HOOK2: variants seen among roughly 807,000 people sequenced by gnomAD.
HOOK2 encodes protein Hook homolog 2.
HOOK2 carries 108 observed loss-of-function variants against 111.9 expected under a neutral mutation model. The observed-to-expected ratio is 0.96, with a 90% confidence interval of 0.83 to 1.13. HOOK2 has a LOEUF of 1.13. HOOK2 is among the 50% of genes most tolerant of loss of function. The pLI, the probability that HOOK2 is intolerant of heterozygous loss-of-function variation, is 0.00. For missense variants in HOOK2, 978 were observed against 951.3 expected, an observed-to-expected ratio of 1.03 and a Z score of -0.37; for synonymous variants, 405 against 394.3, an observed-to-expected ratio of 1.03 and a Z score of -0.32.
At chr19:12,784,370 A>G (rs1031382365) in intron 3 of HOOK2, among the ~76,000 whole-genome samples, 2 of 152,294 alleles carry the variant, frequency 1.3e-5, no homozygotes, top group African/African-American at 4.8e-5. Context: ...TGATCCAGCA[A>G]TGACTGTCAC....
rs773884238 is a variant in HOOK2, at chr19:12,764,863, A to G, written c.1778T>C (p.Leu593Ser). ...GCGGTATCGCTCCTCCATGGCCCGCAAGTCCGCGTCCTTCTTCTGCAAGTT... is the reference window on the plus strand; with the variant it reads ...GCGGTATCGCTCCTCCATGGCCCGCGAGTCCGCGTCCTTCTTCTGCAAGTT... ...QHNLQKKDADLRAMEERYRRY... is the reference protein window; with the variant it reads ...QHNLQKKDADSRAMEERYRRY... Residue 593 changes from leucine to serine, a missense_variant, in exon 20 of 23, where the codon TTG becomes TCG. Coordinates refer to ENST00000397668, the MANE Select transcript of HOOK2 (RefSeq NM_013312.3). 1 of 1,614,076 alleles carries G rather than the reference A, an allele frequency of 6.2e-7. No homozygotes were observed. The highest frequency in any genetic ancestry group is 8.5e-7 in the Non-Finnish European group (1 of 1,180,026).
chr19:12,768,963 A>G (rs1435139910), intron 11 of HOOK2, among the ~76,000 whole-genome samples: 1 of 122,322 alleles, frequency 8.2e-6, no homozygotes, highest in Non-Finnish European at 1.7e-5. Flanking sequence ...AGCCCGGCTA[A>G]TTTTTTTTTT....
At chr19:12,767,711 C>T in intron 13 of HOOK2, 105 bp downstream of exon 13, 1 of 1,091,096 alleles carries the variant, frequency 9.2e-7, no homozygotes. Flanking sequence ...CACCTCCAGC[C>T]TGGCCTAGCT....
chr19:12,765,588 A>C (rs1423801993), intron 18 of HOOK2, 102 bp downstream of exon 18: 1 of 1,468,054 alleles, frequency 6.8e-7, no homozygotes, highest in African/African-American at 1.4e-5. Flanking sequence ...TCTCTACTAA[A>C]AATATAAAAA....
chr19:12,766,375 G>T, intron 14 of HOOK2, 135 bp from the exon 15 acceptor site: 1 of 1,122,884 alleles, frequency 8.9e-7, no homozygotes, highest in Non-Finnish European at 1.2e-6. Flanking sequence ...TTGGAGCACC[G>T]AGGACCTACT....
At chr19:12,789,053 C>T (rs139029640) in intron 3 of HOOK2, among the ~76,000 whole-genome samples, 117 of 152,298 alleles carry the variant, frequency 7.7e-4, no homozygotes, top group African/African-American at 2.4e-3. Context: ...TTCTCTTTCC[C>T]ACACTTGGTG....
Position 12,772,834 on chromosome 19 carries a change from C to G in HOOK2, c.334G>C (p.Gly112Arg), listed in dbSNP as rs780702174. Residue 112 changes from glycine (G) to arginine (R), a missense_variant, in exon 5 of 23, where the codon GGC (glycine) becomes CGC (arginine). This residue lies in a region of HOOK2 where 301 missense variants were observed against 286.1 expected (regional missense o/e 1.05). Transcript: ENST00000397668. ...CCCAGCACCAGCTGAAGCAGCTTGC[C>G]GAGCTCTGCCGGGTCTGAGAACTCT... ...IGEFSDPAELGKLLQLVLGCA... is the reference protein window; with the variant it reads ...IGEFSDPAELRKLLQLVLGCA... 1 of 1,614,198 alleles carries G rather than the reference C, an allele frequency of 6.2e-7. No homozygotes were observed. The highest frequency in any genetic ancestry group is 2.2e-5 in the East Asian group (1 of 44,886).
In HOOK2 at chr19:12,772,927, G is replaced by A; in HGVS notation, c.256-15C>T. 1.2e-6 allele frequency: 2 copies of A among 1,614,224 alleles called. No homozygotes were observed. Among genetic ancestry groups the A allele is most frequent in the Non-Finnish European group, 1.7e-6 (2 of 1,180,026 alleles). On this transcript the variant is annotated splice_polypyrimidine_tract_variant and intron_variant, in intron 4 of 22. Transcript: ENST00000397668. ...TGCGCCAGGACCTGGGGAGAAGGGG[G>A]TGTCAGGGGCTCATGGGCCCACCCT...
In HOOK2 at chr19:12,790,297, A is replaced by C. The variant is rs536151163; in HGVS notation, n.42-16072T>G. ...GTCCCGTAGGATCCGAGTGACGGAG[A>C]CAGGGCCGGGCTCCTTCCCCCGGGG... On this transcript the variant is annotated intron_variant and non_coding_transcript_variant, in intron 3 of 3. Coordinates refer to the HOOK2 transcript ENST00000589765. This position sits in a 1 kb window ranked among gnomAD's most constrained non-coding sequence, Gnocchi z 7.2. Among the ~76,000 whole-genome samples the C allele has an allele frequency of 6.6e-6, 1 of 152,222 alleles. No individual in the cohort carries two copies. Among genetic ancestry groups the C allele is most frequent in the Non-Finnish European group, 1.5e-5 (1 of 67,990 alleles).
At chr19:12,789,043 TTC>T (rs1169077500) in intron 3 of HOOK2, among the ~76,000 whole-genome samples, 2 of 152,158 alleles carry the variant, frequency 1.3e-5, no homozygotes, top group South Asian at 2.1e-4. Context: ...TTCGTTTTCC[TTC>T]TCTTTCCCAC....
In HOOK2 at chr19:12,790,059, C is replaced by A. The variant is rs1171332026; in HGVS notation, n.42-15834G>T. On this transcript the variant is annotated intron_variant and non_coding_transcript_variant, in intron 3 of 3. Coordinates refer to the HOOK2 transcript ENST00000589765. The surrounding 1 kb of genome is among the most constrained non-coding windows in gnomAD (Gnocchi z 7.2). ...GGCCCCGCTCCTCGGCTGCGTCCCCCGCCGTCGGGCCAATGGAACACTCCC... is the reference window on the plus strand; with the variant it reads ...GGCCCCGCTCCTCGGCTGCGTCCCCAGCCGTCGGGCCAATGGAACACTCCC... Among the ~76,000 whole-genome samples the A allele has an allele frequency of 6.6e-6, 1 of 152,204 alleles. No individual in the cohort carries two copies. The highest frequency in any genetic ancestry group is 1.5e-5 in the Non-Finnish European group (1 of 68,018).
chr19:12,767,679 G>A (rs1210091989), intron 13 of HOOK2, 137 bp downstream of exon 13: 12 of 891,616 alleles, frequency 1.3e-5, no homozygotes, highest in African/African-American at 3.4e-5. Context: ...TCTTCAATTT[G>A]ACCGTGTCAC....
Position 12,791,695 on chromosome 19 carries a change from G to A in HOOK2, n.42-17470C>T. The A allele has an allele frequency of 8.8e-7, 1 of 1,136,292 alleles. No homozygotes were observed. Among genetic ancestry groups the A allele is most frequent in the Non-Finnish European group, 1.2e-6 (1 of 817,008 alleles). 70.4% of individuals were successfully genotyped at this position (1,136,292 alleles called of 1,614,324 possible). On this transcript the variant is annotated intron_variant and non_coding_transcript_variant, in intron 3 of 3. Transcript: ENST00000589765. This position sits in a 1 kb window ranked among gnomAD's most constrained non-coding sequence, Gnocchi z 7.0. ...AGGCACCCAGTCCGGTCACCGCAGCGGAGAGCTCGCCGCTCGCTGCAGCGA... is the reference window on the plus strand; with the variant it reads ...AGGCACCCAGTCCGGTCACCGCAGCAGAGAGCTCGCCGCTCGCTGCAGCGA...
upstream of HOOK2, among the ~76,000 whole-genome samples, chr19:12,781,933 G>A (rs1968606780): frequency 6.6e-6 from 1 of 151,612 alleles, no homozygotes; most frequent in Non-Finnish European, 1.5e-5. Context: ...TTGAATTCCT[G>A]GCCTCAAGTG....
At position 12,768,120 on chromosome 19, in the gene HOOK2, G is replaced by A; in HGVS notation, c.1108C>T (p.Gln370Ter). 6.2e-7 allele frequency: 1 copy of A among 1,613,790 alleles called. No homozygotes were observed. Among genetic ancestry groups the A allele is most frequent in the African/African-American group, 1.3e-5 (1 of 75,070 alleles). ...AQLEAQRRQV[Q>*]ELQGQRQEEA... ...TCCTGCCGCTGGCCCTGCAGTTCCT[G>A]CACCTGAACACAGAGAGGGGAGGAA... Residue 370 changes from glutamine (Q) to a stop codon, truncating the protein, a stop_gained, in exon 12 of 23, where the codon CAG (glutamine) becomes TAG (stop). Coordinates refer to ENST00000397668, the MANE Select transcript of HOOK2 (RefSeq NM_013312.3). LOFTEE classifies it high-confidence loss of function.
chr19:12,780,664 T>G (rs1968591719), upstream of HOOK2, among the ~76,000 whole-genome samples: 1 of 97,522 alleles, frequency 1.0e-5, no homozygotes, highest in Non-Finnish European at 2.2e-5. Flanking sequence ...CTTTTTTTTT[T>G]TTTTTTTTTT....
Position 12,791,675 on chromosome 19 carries a change from C to A in HOOK2, n.42-17450G>T. 1.1e-6 allele frequency: 1 copy of A among 894,166 alleles called. No individual in the cohort carries two copies. The highest frequency in any genetic ancestry group is 1.6e-6 in the Non-Finnish European group (1 of 619,524). The allele number at this position is 894,166 out of a possible 1,614,324, so 55.4% of individuals were successfully genotyped here. On this transcript the variant is annotated intron_variant and non_coding_transcript_variant, in intron 3 of 3. Coordinates refer to the HOOK2 transcript ENST00000589765. This position sits in a 1 kb window ranked among gnomAD's most constrained non-coding sequence, Gnocchi z 7.0. ...GCCCCCGAGAACGCGCGACCAGGCA[C>A]CCAGTCCGGTCACCGCAGCGGAGAG...
chr19:12,767,637 C>T (rs1177347492), intron 13 of HOOK2, among the ~76,000 whole-genome samples, 173 bp from the exon 14 acceptor site: 2 of 152,168 alleles, frequency 1.3e-5, no homozygotes, highest in Non-Finnish European at 2.9e-5. Flanking sequence ...AGCTTTTTAG[C>T]CTTTGCTCCA....
intron 7 of HOOK2, 45 bp from the exon 8 acceptor site, chr19:12,771,522 G>A (rs763297873): frequency 2.6e-6 from 4 of 1,528,708 alleles, no homozygotes; most frequent in South Asian, 1.2e-5. Flanking sequence ...TCAGGAGAAG[G>A]ACGGGGGGAG....
Sources: allele counts gnomAD v4.1 joint callset (sites outside exome capture counted in the v4.1 genomes callset), GRCh38; gene constraint gnomAD v4.1.1; regional missense constraint gnomAD v4.1.1; non-coding constraint Gnocchi (gnomAD v3.1); transcripts MANE v1.5; gene names NCBI Gene and HGNC (gene_info 2026-07-23, HGNC 2026-07-21).